CERS6: variants seen among roughly 807,000 people sequenced by gnomAD.
CERS6 encodes the protein LAG1 homolog, ceramide synthase 6.
CERS6 carries 26 observed loss-of-function variants against 56.8 expected under a neutral mutation model. That is an observed-to-expected ratio of 0.46 (90% CI 0.34 to 0.63). CERS6 has a LOEUF of 0.63. Among genes scored for constraint, CERS6 ranks in the 30% least tolerant of loss-of-function variants. CERS6 has a pLI of 0.01. For missense variants in CERS6, 415 were observed against 467.5 expected (o/e 0.89, Z 1.04); for synonymous variants, 164 against 173.3 (o/e 0.95, Z 0.42).
At position 168,685,561 on chromosome 2, in the gene CERS6, C is replaced by A. The variant is rs116656852; in HGVS notation, c.466-5473C>A. ...TGTTGACAATGAAACCTCTGTAATG[C>A]AGCCAATAAAAGAAGATACTGGATG... On this transcript the variant is annotated intron_variant, in intron 4 of 9. Transcript: ENST00000305747. Among the ~76,000 whole-genome samples, 1,015 of 152,210 alleles carry A rather than the reference C, an allele frequency of 6.7e-3. 5 individuals are homozygous for A. Among genetic ancestry groups the A allele is most frequent in the Non-Finnish European group, 9.2e-3 (626 of 68,004 alleles).
chr2:168,503,489 G>C (rs567424085), intron 1 of CERS6, among the ~76,000 whole-genome samples: 13 of 152,172 alleles, frequency 8.5e-5, no homozygotes, highest in Non-Finnish European at 1.8e-4. Context: ...TTAGTGTGGT[G>C]AGAGGTGAGA....
At chr2:168,683,588 C>T (rs896991988) in intron 4 of CERS6, among the ~76,000 whole-genome samples, 1 of 152,188 alleles carries the variant, frequency 6.6e-6, no homozygotes, top group African/African-American at 2.4e-5. Flanking sequence ...ACATCTCTCT[C>T]CCCGTGTGTT....
At chr2:168,731,139 G>A (rs771792484) in intron 8 of CERS6, among the ~76,000 whole-genome samples, 7 of 152,100 alleles carry the variant, frequency 4.6e-5, no homozygotes, top group Non-Finnish European at 1.0e-4. Flanking sequence ...AAATGGAATT[G>A]TCTGTTAGCT....
chr2:168,605,342 T>C (rs1684027916), intron 3 of CERS6, among the ~76,000 whole-genome samples: 1 of 152,222 alleles, frequency 6.6e-6, no homozygotes, highest in South Asian at 2.1e-4. Context: ...GCCTGGCTGC[T>C]TCTAACATCC....
intron 1 of CERS6, among the ~76,000 whole-genome samples, chr2:168,477,214 A>AGAGAGAGAGAGAGT (rs1694093165): frequency 4.4e-5 from 6 of 136,796 alleles, no homozygotes; most frequent in African/African-American, 1.8e-4. Flanking sequence ...AGAGAGAGAG[A>AGAGAGAGAGAGAGT]GAGAGTCTCA....
At chr2:168,486,534 T>TTTTTTTTTTTTTTTTTTTTTTG (rs1694278906) in intron 1 of CERS6, among the ~76,000 whole-genome samples, 1 of 151,582 alleles carries the variant, frequency 6.6e-6, no homozygotes, top group Non-Finnish European at 1.5e-5. Flanking sequence ...GTTTTTTTTT[T>TTTTTTTTTTTTTTTTTTTTTTG]TTTTGCCTAT....
chr2:168,477,173 C>CAGAGAG (rs10609883), intron 1 of CERS6, among the ~76,000 whole-genome samples: 1,268 of 115,480 alleles, frequency 0.011, 28 homozygotes, highest in East Asian at 0.014. Context: ...GAGGGAGAGA[C>CAGAGAG]AGAGAGAGAG....
intron 3 of CERS6, among the ~76,000 whole-genome samples, chr2:168,598,315 A>G (rs1454413288): frequency 6.6e-6 from 1 of 152,174 alleles, no homozygotes; most frequent in African/African-American, 2.4e-5. Context: ...TGACTTGAAT[A>G]TATGGCAACC....
At chr2:168,725,733 A>G (rs1683331942) in intron 8 of CERS6, among the ~76,000 whole-genome samples, 2 of 152,368 alleles carry the variant, frequency 1.3e-5, no homozygotes, top group Admixed American at 1.3e-4. Flanking sequence ...ACTATTATCA[A>G]ACGCAATCAC....
At chr2:168,537,610 A>G (rs1397386301) in intron 1 of CERS6, among the ~76,000 whole-genome samples, 1 of 152,132 alleles carries the variant, frequency 6.6e-6, no homozygotes. Flanking sequence ...TTCAGTAGCT[A>G]TATAATATTT....
chr2:168,481,183 A>C (rs1333791946), intron 1 of CERS6, among the ~76,000 whole-genome samples: 1 of 152,192 alleles, frequency 6.6e-6, no homozygotes, highest in Non-Finnish European at 1.5e-5. Flanking sequence ...TGGGAGGCTG[A>C]GGTGGGCGGA....
At chr2:168,587,177 A>T (rs1432541652) in intron 3 of CERS6, among the ~76,000 whole-genome samples, 1 of 152,222 alleles carries the variant, frequency 6.6e-6, no homozygotes, top group East Asian at 1.9e-4. Flanking sequence ...GACTGTCTCA[A>T]AAATAAATAA....
intron 4 of CERS6, among the ~76,000 whole-genome samples, chr2:168,641,217 T>G (rs1343790292): frequency 6.6e-6 from 1 of 151,680 alleles, no homozygotes; most frequent in Non-Finnish European, 1.5e-5. Context: ...CCACTTGCCT[T>G]ACTTTCAAAT....
intron 3 of CERS6, among the ~76,000 whole-genome samples, chr2:168,614,126 G>C (rs1168367780): frequency 6.6e-6 from 1 of 152,234 alleles, no homozygotes; most frequent in Non-Finnish European, 1.5e-5. Flanking sequence ...GAAGGAACAA[G>C]AGCATCTTCT....
chr2:168,635,379 T>A (rs1295324105), intron 4 of CERS6, among the ~76,000 whole-genome samples: 1 of 152,174 alleles, frequency 6.6e-6, no homozygotes, highest in Admixed American at 6.5e-5. Context: ...GGAGTGAAGA[T>A]GCACTGCTGG....
chr2:168,692,473 A>G (rs920695934), intron 5 of CERS6, among the ~76,000 whole-genome samples: 2 of 152,188 alleles, frequency 1.3e-5, no homozygotes, highest in African/African-American at 4.8e-5. Flanking sequence ...TGAGAAAATG[A>G]GTTGCTAGAG....
At chr2:168,767,271 G>C (rs1047382518) in intron 9 of CERS6, among the ~76,000 whole-genome samples, 3 of 152,178 alleles carry the variant, frequency 2.0e-5, no homozygotes, top group African/African-American at 7.2e-5. Flanking sequence ...TCTTGACCAT[G>C]AGTTATTTTC....
At chr2:168,575,941 C>T (rs188737960) in intron 3 of CERS6, among the ~76,000 whole-genome samples, 13 of 152,152 alleles carry the variant, frequency 8.5e-5, no homozygotes, top group Non-Finnish European at 1.2e-4. Context: ...TACTGGGTGA[C>T]GACTCTATGC....
intron 3 of CERS6, among the ~76,000 whole-genome samples, chr2:168,588,397 A>G (rs1418267231): frequency 6.6e-6 from 1 of 151,702 alleles, no homozygotes; most frequent in Non-Finnish European, 1.5e-5. Flanking sequence ...TATACCCATT[A>G]AACACTTAAT....
Sources: allele counts gnomAD v4.1 joint callset (sites outside exome capture counted in the v4.1 genomes callset), GRCh38; gene constraint gnomAD v4.1.1; transcripts MANE v1.5; gene names NCBI Gene and HGNC (gene_info 2026-07-23, HGNC 2026-07-21).